MSRA: variants seen among roughly 807,000 people sequenced by gnomAD.
MSRA encodes the protein mitochondrial peptide methionine sulfoxide reductase.
A neutral mutation model predicts 31.3 loss-of-function variants in MSRA; 54 were observed. That is an observed-to-expected ratio of 1.73 (90% confidence interval 1.39 to 2.17). The LOEUF (loss-of-function observed/expected upper bound fraction) is 2.17, where lower values mean the gene tolerates loss of function less well. Ranked by LOEUF, MSRA falls within the 30% of genes most tolerant of loss-of-function variation. The pLI is 0.00. For missense variants in MSRA, 507 were observed against 300.9 expected (o/e 1.69, Z -5.07); for synonymous variants, 169 against 116.5 (o/e 1.45, Z -2.90).
intron 5 of MSRA, among the ~76,000 whole-genome samples, chr8:10,323,507 A>T (rs1406041408): frequency 6.6e-6 from 1 of 152,056 alleles, no homozygotes; most frequent in African/African-American, 2.4e-5. Context: ...TTATCACCGA[A>T]TTTTCCAGTT....
intron 4 of MSRA, among the ~76,000 whole-genome samples, chr8:10,304,276 C>T (rs781566180): frequency 1.3e-5 from 2 of 152,192 alleles, no homozygotes; most frequent in African/African-American, 2.4e-5. Context: ...GGGATACGCA[C>T]GAGTATCCGG....
chr8:10,210,026 C>G (rs1235766876), intron 2 of MSRA, among the ~76,000 whole-genome samples: 3 of 152,100 alleles, frequency 2.0e-5, no homozygotes, highest in South Asian at 4.2e-4. Context: ...CAAGATGATC[C>G]TCACTTTCTA....
At chr8:10,183,010 C>T (rs1027602004) in intron 1 of MSRA, among the ~76,000 whole-genome samples, 1 of 152,208 alleles carries the variant, frequency 6.6e-6, no homozygotes, top group Non-Finnish European at 1.5e-5. Flanking sequence ...TAAAATAGCA[C>T]ATTCCATGAG....
chr8:10,405,078 C>T (rs955804607), intron 5 of MSRA, among the ~76,000 whole-genome samples: 1 of 152,170 alleles, frequency 6.6e-6, no homozygotes, highest in African/African-American at 2.4e-5. Flanking sequence ...AGGAGAGACT[C>T]GTGGCCACCG....
intron 1 of MSRA, among the ~76,000 whole-genome samples, chr8:10,127,135 T>C (rs1801560931): frequency 6.6e-6 from 1 of 152,236 alleles, no homozygotes; most frequent in Admixed American, 6.5e-5. Context: ...CTGGTGTGCT[T>C]GGTCCTCTCT....
intron 1 of MSRA, among the ~76,000 whole-genome samples, chr8:10,094,440 T>G (rs575333870): frequency 4.6e-5 from 7 of 152,358 alleles, no homozygotes; most frequent in African/African-American, 2.4e-5. Context: ...CTAATTACTA[T>G]GCAATTAGGA....
At chr8:10,335,451 A>G (rs1802982295) in intron 5 of MSRA, among the ~76,000 whole-genome samples, 1 of 151,910 alleles carries the variant, frequency 6.6e-6, no homozygotes, top group South Asian at 2.1e-4. Flanking sequence ...AATGTTTCGA[A>G]AATTATCTTC....
chr8:10,186,370 T>A (rs916007727), intron 1 of MSRA, among the ~76,000 whole-genome samples: 2 of 152,190 alleles, frequency 1.3e-5, no homozygotes, highest in African/African-American at 4.8e-5. Context: ...ATGGACAGTA[T>A]ATAAATGAAT....
At chr8:10,399,714 A>G (rs777848513) in intron 5 of MSRA, among the ~76,000 whole-genome samples, 2 of 152,176 alleles carry the variant, frequency 1.3e-5, no homozygotes, top group Admixed American at 6.5e-5. Context: ...CTGTAGCCCT[A>G]TATAGGAGGG....
chr8:10,310,989 T>C (rs1377798992), intron 4 of MSRA, among the ~76,000 whole-genome samples: 6 of 152,248 alleles, frequency 3.9e-5, no homozygotes, highest in African/African-American at 9.6e-5. Flanking sequence ...ATATCTTAGA[T>C]AGTAATGGTT....
At chr8:10,413,486 G>C (rs1163470752) in intron 5 of MSRA, among the ~76,000 whole-genome samples, 1 of 152,032 alleles carries the variant, frequency 6.6e-6, no homozygotes, top group African/African-American at 2.4e-5. Flanking sequence ...TAAATTGTCT[G>C]ATTTTCAAGA....
chr8:10,066,836 A>G (rs1337282575), intron 1 of MSRA, among the ~76,000 whole-genome samples: 1 of 151,150 alleles, frequency 6.6e-6, no homozygotes, highest in Non-Finnish European at 1.5e-5. Flanking sequence ...CACCTGGCTC[A>G]GCTGGTATAT....
chr8:10,310,769 C>G (rs144236793), intron 4 of MSRA, among the ~76,000 whole-genome samples: 1 of 152,228 alleles, frequency 6.6e-6, no homozygotes, highest in Non-Finnish European at 1.5e-5. Context: ...GCCTGATGTT[C>G]TTTCTGTTGG....
chr8:10,319,818 C>T lies in MSRA; in HGVS notation c.437-65C>T, dbSNP rs1801939087. The T allele has an allele frequency of 5.5e-6, 5 of 916,096 alleles. No individual in the cohort carries two copies. The Admixed American group carries it at 9.4e-5, about 17-fold the overall frequency. 56.7% of individuals were successfully genotyped at this position (916,096 alleles called of 1,614,324 possible). A position where few individuals can be genotyped will look rare whatever the true frequency, so the allele number is the denominator to read the frequency against. ...AGTGTCAAAATGTCTCAGCATTGTG[C>T]CCAGTTTGAGACTGGCACTGTCGCC... is the stretch of plus-strand genomic sequence containing the variant. On this transcript the variant is annotated intron_variant, in intron 4 of 5. Transcript: ENST00000317173.
chr8:10,360,271 C>G lies in MSRA; in HGVS notation c.543+40282C>G, dbSNP rs146644278. Among the ~76,000 whole-genome samples, 261 of 152,302 alleles carry G rather than the reference C, an allele frequency of 1.7e-3. 2 individuals are homozygous for G. In the Middle Eastern group the frequency reaches 0.024, roughly 14 times the overall value. ...TTTGTGCCCAGGTCCACCAGATGCC[C>G]TATTGCTTCCCTCTGTTTTCTCTAG... On this transcript the variant is annotated intron_variant, in intron 5 of 5. Coordinates refer to ENST00000317173, the MANE Select transcript of MSRA (RefSeq NM_012331.5).
intron 4 of MSRA, among the ~76,000 whole-genome samples, chr8:10,316,529 T>C (rs1462657926): frequency 2.2e-4 from 4 of 18,550 alleles, no homozygotes; most frequent in African/African-American, 1.2e-3. Context: ...TGATGATCCC[T>C]CTCTCTCTCT....
At chr8:10,086,929 G>T (rs977341770) in intron 1 of MSRA, among the ~76,000 whole-genome samples, 8 of 151,832 alleles carry the variant, frequency 5.3e-5, no homozygotes, top group Non-Finnish European at 1.0e-4. Flanking sequence ...GAATGAGAAT[G>T]AGAATGAGAA....
At chr8:10,236,160 T>G (rs1331130063) in intron 2 of MSRA, among the ~76,000 whole-genome samples, 1 of 152,182 alleles carries the variant, frequency 6.6e-6, no homozygotes, top group African/African-American at 2.4e-5. Context: ...AAACCTACAG[T>G]AAATCTCATA....
chr8:10,324,088 A>G (rs1019692855), intron 5 of MSRA, among the ~76,000 whole-genome samples: 1 of 152,286 alleles, frequency 6.6e-6, no homozygotes, highest in East Asian at 1.9e-4. Flanking sequence ...TCCTTTCAGC[A>G]CCACTCGCCT....
Sources: allele counts gnomAD v4.1 joint callset (sites outside exome capture counted in the v4.1 genomes callset), GRCh38; gene constraint gnomAD v4.1.1; transcripts MANE v1.5; gene names NCBI Gene and HGNC (gene_info 2026-07-23, HGNC 2026-07-21).